CDC123: variants seen among roughly 807,000 people sequenced by gnomAD.
CDC123 encodes cell division cycle 123, also known as translation initiation factor eIF2 assembly protein.
CDC123 carries 37 observed loss-of-function variants against 54.4 expected under a neutral mutation model. The observed-to-expected ratio is 0.68, with a 90% CI of 0.52 to 0.89. CDC123 has a LOEUF of 0.89. Among genes scored for constraint, CDC123 ranks in the 40% least tolerant of loss-of-function variants. CDC123 has a pLI of 0.00. For missense variants in CDC123, 361 were observed against 412.1 expected (o/e 0.88, Z 1.07); for synonymous variants, 144 against 136.8 (o/e 1.05, Z -0.37).
chr10:12,197,154 C>T (rs1290658063), intron 1 of CDC123, among the ~76,000 whole-genome samples: 1 of 152,154 alleles, frequency 6.6e-6, no homozygotes, highest in Non-Finnish European at 1.5e-5. Flanking sequence ...ATTCATTGTA[C>T]TTAACAATTT....
At chr10:12,198,261 A>C (rs1286400475) in intron 1 of CDC123, among the ~76,000 whole-genome samples, 2 of 152,208 alleles carry the variant, frequency 1.3e-5, no homozygotes, top group Non-Finnish European at 2.9e-5. Flanking sequence ...GCTCACTGCC[A>C]ACCCAAGAAT....
At chr10:12,199,183 G>C (rs1835406094) in intron 2 of CDC123, among the ~76,000 whole-genome samples, 1 of 152,072 alleles carries the variant, frequency 6.6e-6, no homozygotes, top group South Asian at 2.1e-4. Context: ...GAACTACCGT[G>C]GCCCCCCCTC....
intron 4 of CDC123, among the ~76,000 whole-genome samples, chr10:12,212,082 C>T (rs546285068): frequency 3.4e-4 from 51 of 151,282 alleles, no homozygotes; most frequent in African/African-American, 9.3e-4. Context: ...AGAGAGACTC[C>T]GTCTCAAAAA....
At chr10:12,196,855 A>G (rs1835359416) in intron 1 of CDC123, among the ~76,000 whole-genome samples, 1 of 152,228 alleles carries the variant, frequency 6.6e-6, no homozygotes, top group Admixed American at 6.5e-5. Context: ...TGTTAGCTAA[A>G]TTTATTCCAC....
intron 6 of CDC123, among the ~76,000 whole-genome samples, chr10:12,222,630 A>G (rs1177209307): frequency 6.6e-6 from 1 of 152,218 alleles, no homozygotes; most frequent in East Asian, 1.9e-4. Context: ...TTGATACTCA[A>G]TTGGCATTTA....
chr10:12,227,243 G>C (rs973052890), intron 6 of CDC123, among the ~76,000 whole-genome samples: 2 of 149,058 alleles, frequency 1.3e-5, no homozygotes, highest in Non-Finnish European at 3.0e-5. Flanking sequence ...GAGGGAGACC[G>C]TGGAGAGAGA....
chr10:12,203,117 A>G (rs1835464693), intron 2 of CDC123, among the ~76,000 whole-genome samples: 1 of 152,172 alleles, frequency 6.6e-6, no homozygotes, highest in Non-Finnish European at 1.5e-5. Context: ...TCCATGCCCT[A>G]CCTACACGTG....
At chr10:12,222,008 C>A (rs112529305) in intron 6 of CDC123, among the ~76,000 whole-genome samples, 4 of 152,276 alleles carry the variant, frequency 2.6e-5, no homozygotes, top group Admixed American at 6.5e-5. Context: ...GTCCAGCAGG[C>A]CTGGAGGGGG....
chr10:12,220,976 CAA>C (rs751368713), intron 6 of CDC123, among the ~76,000 whole-genome samples: 10 of 119,988 alleles, frequency 8.3e-5, no homozygotes, highest in Non-Finnish European at 5.3e-5. Flanking sequence ...GACTTTGTCT[CAA>C]AAAAAAAAAA....
In CDC123 at chr10:12,210,308, A is replaced by G; in HGVS notation, c.223A>G (p.Thr75Ala). The G allele has an allele frequency of 1.2e-6, 2 of 1,614,128 alleles. No individual in the cohort carries two copies. The highest frequency in any genetic ancestry group is 8.5e-7 in the Non-Finnish European group (1 of 1,180,024). Residue 75 changes from threonine to alanine, a missense_variant, in exon 4 of 13, where the codon ACA becomes GCA. Transcript: ENST00000281141. The stretch of plus-strand genomic sequence containing the variant: ...CATGCAGTGGTCTGATGATGAGAAC[A>G]CAGCCACGCTTACGGTAAGAGCACA... ...EEIQWSDDEN[T>A]ATLTAPEFPE...
At chr10:12,232,695 A>G (rs1346476114) in intron 7 of CDC123, among the ~76,000 whole-genome samples, 2 of 152,214 alleles carry the variant, frequency 1.3e-5, no homozygotes, top group East Asian at 3.8e-4. Context: ...ATATAGTCAC[A>G]GCTATTGCTT....
At chr10:12,203,361 T>A (rs1279427510) in intron 2 of CDC123, among the ~76,000 whole-genome samples, 3 of 152,248 alleles carry the variant, frequency 2.0e-5, no homozygotes, top group Admixed American at 6.5e-5. Context: ...AATGAGTGAA[T>A]GAACATGCTT....
rs74544860 is a variant in CDC123 at position 12,235,894 on chromosome 10, C to T, written c.565+771C>T. Reference sequence around the variant, plus strand: ...GCACAAGATTCAGGAATAGGAAGCCCGTATTTCAGAGCAGAGAACTTTTCC... The same window carrying T: ...GCACAAGATTCAGGAATAGGAAGCCTGTATTTCAGAGCAGAGAACTTTTCC... On this transcript the variant is annotated intron_variant, in intron 8 of 12. Coordinates refer to ENST00000281141, the MANE Select transcript of CDC123 (RefSeq NM_006023.3). Among the ~76,000 whole-genome samples, 54 of 152,216 alleles carry T rather than the reference C, an allele frequency of 3.5e-4. 1 individual carries two copies. The East Asian group carries it at 0.01, about 28-fold the overall frequency.
At chr10:12,209,886 C>G in intron 2 of CDC123, 81 bp from the exon 3 acceptor site, 1 of 1,353,616 alleles carries the variant, frequency 7.4e-7, no homozygotes, top group Non-Finnish European at 1.1e-6. Context: ...TATTTAAAAA[C>G]ATATACTCAG....
At chr10:12,246,670 C>T (rs1174005935) in intron 11 of CDC123, 1 of 162,312 alleles carries the variant, frequency 6.2e-6, no homozygotes, top group Admixed American at 6.4e-5. Flanking sequence ...TCCACGGTGA[C>T]TGGCTCACGC....
At chr10:12,211,820 A>C (rs541035086) in intron 4 of CDC123, among the ~76,000 whole-genome samples, 1 of 152,180 alleles carries the variant, frequency 6.6e-6, no homozygotes, top group Admixed American at 6.5e-5. Context: ...TTAAATATGT[A>C]TAGATGGGCC....
At chr10:12,227,040 G>T (rs369678280) in intron 6 of CDC123, among the ~76,000 whole-genome samples, 3 of 152,170 alleles carry the variant, frequency 2.0e-5, no homozygotes, top group African/African-American at 4.8e-5. Context: ...GATCACTCGC[G>T]GTTAGGAGCT....
intron 10 of CDC123, among the ~76,000 whole-genome samples, chr10:12,242,030 G>T (rs760729439): frequency 6.6e-6 from 1 of 152,106 alleles, no homozygotes; most frequent in Admixed American, 6.6e-5. Flanking sequence ...ACTTTTAAAC[G>T]GCTTGTCGTA....
chr10:12,246,414 C>A, intron 11 of CDC123, 137 bp downstream of exon 11: 1 of 891,322 alleles, frequency 1.1e-6, no homozygotes, highest in South Asian at 1.9e-5. Flanking sequence ...TTACTAATAG[C>A]TAACCTGCCC....
Sources: gnomAD v4.1 joint callset for allele counts (sites outside exome capture counted in the v4.1 genomes callset) on GRCh38, gnomAD v4.1.1 for gene constraint, MANE v1.5 for transcripts, NCBI Gene and HGNC (gene_info 2026-07-23, HGNC 2026-07-21) for gene names.